Variants in TSPAN5 observed in about 807,000 individuals in gnomAD.
TSPAN5 encodes the protein tetraspanin-5.
Under a neutral mutation model 37.1 loss-of-function variants are expected in TSPAN5, and 10 were observed. That is an observed-to-expected ratio of 0.27 (90% CI 0.17 to 0.46). The LOEUF (loss-of-function observed/expected upper bound fraction) is 0.46, where lower values mean the gene tolerates loss of function less well. Among genes scored for constraint, TSPAN5 ranks in the 20% least tolerant of loss-of-function variants. The probability of loss-of-function intolerance (pLI) is 1.00; values close to 1 mark genes in which losing one functional copy is unlikely to be tolerated. For missense variants in TSPAN5, 195 were observed against 326.6 expected (o/e 0.60, Z 3.11); for synonymous variants, 110 against 118.9 (o/e 0.93, Z 0.48).
At position 98,584,042 on chromosome 4, in the gene TSPAN5, A is replaced by G. The variant is rs370782329; in HGVS notation, c.81+74104T>C. Among the ~76,000 whole-genome samples, 56 of 152,280 alleles carry G rather than the reference A, an allele frequency of 3.7e-4. 1 individual carries two copies. The highest frequency in any genetic ancestry group is 1.3e-3 in the African/African-American group (53 of 41,572). On this transcript the variant is annotated intron_variant, in intron 1 of 7. Coordinates refer to ENST00000305798, the MANE Select transcript of TSPAN5 (RefSeq NM_005723.4). The stretch of plus-strand genomic sequence containing the variant: ...ATTCCAAAGGCCAGGGGACCCTACT[A>G]TATACCCTAATGCACCAGAGCTTGT...
chr4:98,598,136 G>C (rs1211336778), intron 1 of TSPAN5, among the ~76,000 whole-genome samples: 4 of 124,754 alleles, frequency 3.2e-5, no homozygotes, highest in Admixed American at 7.8e-5. Flanking sequence ...ATATAGTCTC[G>C]TGGTGCGCCA....
At chr4:98,631,665 C>T (rs1579043899) in intron 1 of TSPAN5, among the ~76,000 whole-genome samples, 1 of 152,264 alleles carries the variant, frequency 6.6e-6, no homozygotes, top group East Asian at 1.9e-4. Context: ...AGACCTCAGG[C>T]TATAGGATCT....
At chr4:98,651,628 T>C (rs1306462502) in intron 1 of TSPAN5, among the ~76,000 whole-genome samples, 3 of 152,222 alleles carry the variant, frequency 2.0e-5, no homozygotes, top group Non-Finnish European at 2.9e-5. Flanking sequence ...CCTATTGGTT[T>C]AATGTTTCCA....
At chr4:98,498,569 G>C (rs1318969520) in intron 2 of TSPAN5, among the ~76,000 whole-genome samples, 1 of 152,162 alleles carries the variant, frequency 6.6e-6, no homozygotes, top group Non-Finnish European at 1.5e-5. Flanking sequence ...AAATCTGGCA[G>C]GGACAAAAGG....
rs534802067 is a variant in TSPAN5 at position 98,558,704 on chromosome 4, C to T, written c.82-50976G>A. On this transcript the variant is annotated intron_variant, in intron 1 of 7. Coordinates refer to ENST00000305798, the MANE Select transcript of TSPAN5 (RefSeq NM_005723.4). The stretch of plus-strand genomic sequence containing the variant: ...AGCTTTTTCCAGTTTCTTCTTCAGC[C>T]TTCCACATTCATGATCACCTGTTCA... 2.6e-5 allele frequency among the ~76,000 whole-genome samples: 4 copies of T among 152,260 alleles called. No homozygotes were observed. The South Asian group carries it at 6.2e-4, about 24-fold the overall frequency.
At chr4:98,609,643 G>A (rs1469937810) in intron 1 of TSPAN5, among the ~76,000 whole-genome samples, 1 of 152,140 alleles carries the variant, frequency 6.6e-6, no homozygotes, top group African/African-American at 2.4e-5. Flanking sequence ...GCTTTCCTTT[G>A]CAATGTATTG....
At chr4:98,588,702 C>A (rs1019960952) in intron 1 of TSPAN5, among the ~76,000 whole-genome samples, 32 of 152,156 alleles carry the variant, frequency 2.1e-4, no homozygotes, top group African/African-American at 6.8e-4. Context: ...TAAGCTGGCC[C>A]TGAGGCATAT....
intron 1 of TSPAN5, among the ~76,000 whole-genome samples, chr4:98,535,226 G>A (rs1232730360): frequency 6.6e-6 from 1 of 152,128 alleles, no homozygotes. Flanking sequence ...AGGCACGCCT[G>A]GTGGTGACAA....
intron 4 of TSPAN5, among the ~76,000 whole-genome samples, chr4:98,479,243 T>G (rs1234338623): frequency 6.6e-6 from 1 of 152,184 alleles, no homozygotes; most frequent in East Asian, 1.9e-4. Context: ...TTTTTCAAAG[T>G]TTTGATCTCT....
At chr4:98,557,379 G>T (rs1754774662) in intron 1 of TSPAN5, among the ~76,000 whole-genome samples, 2 of 152,162 alleles carry the variant, frequency 1.3e-5, no homozygotes, top group African/African-American at 4.8e-5. Context: ...CACTCGGGGA[G>T]GAATACAAAT....
chr4:98,533,939 T>TA (rs1194318640), intron 1 of TSPAN5, among the ~76,000 whole-genome samples: 1,295 of 31,158 alleles, frequency 0.042, 93 homozygotes, highest in Non-Finnish European at 0.051. Flanking sequence ...TTGTTGATCT[T>TA]AAAAAAAAAA....
chr4:98,484,590 A>G, intron 3 of TSPAN5: 2 of 455,670 alleles, frequency 4.4e-6, no homozygotes, highest in Non-Finnish European at 8.8e-6. Context: ...TTAACACTGG[A>G]CTCTTCAACT....
intron 1 of TSPAN5, among the ~76,000 whole-genome samples, chr4:98,515,306 C>A (rs1436360030): frequency 6.6e-6 from 1 of 152,268 alleles, no homozygotes. Flanking sequence ...CAGAACTGCA[C>A]AAAGCAATTG....
At chr4:98,555,972 C>T (rs542192514) in intron 1 of TSPAN5, among the ~76,000 whole-genome samples, 9 of 124,042 alleles carry the variant, frequency 7.3e-5, no homozygotes, top group Non-Finnish European at 1.3e-4. Context: ...TCCACACACG[C>T]GCGCGCACAC....
chr4:98,475,765 G>A (rs916130472), intron 7 of TSPAN5, among the ~76,000 whole-genome samples: 37 of 152,248 alleles, frequency 2.4e-4, no homozygotes, highest in Admixed American at 2.2e-3. Context: ...CGAGATGGGC[G>A]GATCACGAGG....
intron 1 of TSPAN5, among the ~76,000 whole-genome samples, chr4:98,532,977 G>A (rs1229081649): frequency 6.6e-6 from 1 of 152,178 alleles, no homozygotes; most frequent in African/African-American, 2.4e-5. Flanking sequence ...TTCTGTTTAT[G>A]TGATGGATTA....
intron 1 of TSPAN5, among the ~76,000 whole-genome samples, chr4:98,627,618 C>G (rs899188243): frequency 6.6e-6 from 1 of 152,170 alleles, no homozygotes; most frequent in South Asian, 2.1e-4. Flanking sequence ...TACGGTCATT[C>G]TTCTTTAAGT....
intron 1 of TSPAN5, among the ~76,000 whole-genome samples, chr4:98,544,616 G>C (rs948758158): frequency 2.6e-5 from 4 of 152,166 alleles, no homozygotes; most frequent in African/African-American, 9.7e-5. Flanking sequence ...GTATTTTGCT[G>C]TTCATAACGA....
intron 2 of TSPAN5, among the ~76,000 whole-genome samples, chr4:98,494,529 T>A (rs1753155391): frequency 6.6e-6 from 1 of 151,760 alleles, no homozygotes; most frequent in African/African-American, 2.4e-5. Flanking sequence ...GTGAAAATGG[T>A]ACTCTATGTC....
Sources: gnomAD v4.1 joint callset for allele counts (sites outside exome capture counted in the v4.1 genomes callset) on GRCh38, gnomAD v4.1.1 for gene constraint, MANE v1.5 for transcripts, NCBI Gene and HGNC (gene_info 2026-07-23, HGNC 2026-07-21) for gene names.